CABIN1: variants seen among roughly 807,000 people sequenced by gnomAD.
CABIN1 encodes the protein calcineurin binding protein 1.
CABIN1 carries 133 observed loss-of-function variants against 227.7 expected under a neutral mutation model. The ratio of observed to expected loss-of-function variants is 0.58; its 90% CI spans 0.51 to 0.67. The LOEUF is 0.67. Among genes scored for constraint, CABIN1 ranks in the 30% least tolerant of loss-of-function variants. The probability of loss-of-function intolerance (pLI) is 0.00; values close to 1 mark genes in which losing one functional copy is unlikely to be tolerated. For missense variants in CABIN1, 2,408 were observed against 2,852.5 expected (o/e 0.84, Z 3.55); for synonymous variants, 1,086 against 1,155.1 (o/e 0.94, Z 1.21).
intron 25 of CABIN1, 94 bp downstream of exon 25, chr22:24,096,176 C>CACAGTAA (rs1395912786): frequency 2.1e-6 from 3 of 1,412,338 alleles, no homozygotes; most frequent in Non-Finnish European, 2.0e-6. Flanking sequence ...AGGGTTGCTA[C>CACAGTAA]ACAGTAAACA....
chr22:24,015,445 C>T (rs1383205760), intron 1 of CABIN1, among the ~76,000 whole-genome samples: 12 of 150,960 alleles, frequency 7.9e-5, no homozygotes, highest in Non-Finnish European at 1.3e-4. Context: ...CCCGGGTTCA[C>T]GCCGTTCTGC....
At chr22:24,105,013 A>G (rs1569222637) in intron 26 of CABIN1, among the ~76,000 whole-genome samples, 1 of 152,182 alleles carries the variant, frequency 6.6e-6, no homozygotes, top group Non-Finnish European at 1.5e-5. Context: ...ACTTAAAGAG[A>G]CACTGGAAAG....
At chr22:24,049,895 C>A (rs192487154) in intron 7 of CABIN1, among the ~76,000 whole-genome samples, 1 of 152,278 alleles carries the variant, frequency 6.6e-6, no homozygotes, top group Non-Finnish European at 1.5e-5. Context: ...CACAGACACA[C>A]TTCTGAGGTG....
intron 33 of CABIN1, 101 bp downstream of exon 33, chr22:24,168,622 T>A: frequency 1.0e-6 from 1 of 1,003,682 alleles, no homozygotes; most frequent in Non-Finnish European, 1.5e-6. Flanking sequence ...TTGGGACTGT[T>A]CTTGTGGTCA....
intron 32 of CABIN1, among the ~76,000 whole-genome samples, chr22:24,167,625 C>T: frequency 6.6e-6 from 1 of 152,246 alleles, no homozygotes; most frequent in East Asian, 1.9e-4. Flanking sequence ...TGGCTGTCAT[C>T]TAAAGATGGC....
chr22:24,168,739 C>A (rs561673891), intron 33 of CABIN1, among the ~76,000 whole-genome samples: 2 of 152,316 alleles, frequency 1.3e-5, no homozygotes, highest in East Asian at 3.9e-4. Flanking sequence ...GCTGAGGGGT[C>A]CCCTCACCTC....
intron 29 of CABIN1, among the ~76,000 whole-genome samples, chr22:24,139,693 C>T (rs1019808390): frequency 6.6e-6 from 1 of 152,140 alleles, no homozygotes; most frequent in African/African-American, 2.4e-5. Flanking sequence ...TGCCCAGTCT[C>T]CTTGGGTGGA....
In CABIN1 at chr22:24,066,595, G is replaced by A. The variant is rs141082712; in HGVS notation, c.2038-392G>A. Among the ~76,000 whole-genome samples the A allele has an allele frequency of 4.7e-4, 71 of 152,288 alleles. No individual in the cohort carries two copies. In the East Asian group the frequency reaches 0.013, roughly 29 times the overall value. On this transcript the variant is annotated intron_variant, in intron 15 of 36. Transcript: ENST00000263119. ...GGCTTCGTCAGGTCCTGCATGTAGC[G>A]TATGACAACCTCTGGTCCAGGCTTG...
chr22:24,095,899 G>A (rs1265411028), intron 24 of CABIN1, 32 bp from the exon 25 acceptor site: 2 of 1,613,290 alleles, frequency 1.2e-6, no homozygotes, highest in Non-Finnish European at 1.7e-6. Flanking sequence ...CAACTGGGAA[G>A]GCTGCTCACA....
chr22:24,083,931 G>A (rs895555033), intron 20 of CABIN1, among the ~76,000 whole-genome samples: 2 of 152,176 alleles, frequency 1.3e-5, no homozygotes, highest in Middle Eastern at 3.2e-3. Flanking sequence ...TGGCTCCTCA[G>A]TACTGTCAGT....
chr22:24,022,138 TTTAA>T, intron 1 of CABIN1, among the ~76,000 whole-genome samples: 1 of 152,344 alleles, frequency 6.6e-6, no homozygotes, highest in South Asian at 2.1e-4. Flanking sequence ...ACTTATTATG[TTTAA>T]TTAAATTATT....
intron 26 of CABIN1, among the ~76,000 whole-genome samples, chr22:24,107,170 G>T (rs1212732783): frequency 6.6e-6 from 1 of 152,092 alleles, no homozygotes; most frequent in African/African-American, 2.4e-5. Flanking sequence ...CATAGCCCCT[G>T]CCTCTCCAGC....
intron 26 of CABIN1, among the ~76,000 whole-genome samples, chr22:24,099,398 G>A (rs1212627790): frequency 1.3e-5 from 2 of 152,184 alleles, no homozygotes; most frequent in South Asian, 2.1e-4. Context: ...CAGCATGCGT[G>A]TTGAGAGAGG....
rs760781644 is a variant in CABIN1, at chr22:24,054,905, T to C, written c.839T>C (p.Met280Thr). 58 of 1,614,174 alleles carry C rather than the reference T, an allele frequency of 3.6e-5. No individual in the cohort carries two copies. The East Asian group carries it at 1.2e-3, about 35-fold the overall frequency. ...TGCCTCGGAGAGAGCTTGCTGGCCA[T>C]GTACAATCATCTCACCACCTGTGAG... ...WKCLGESLLAMYNHLTTCEPP... is the reference protein window; with the variant it reads ...WKCLGESLLATYNHLTTCEPP... The change falls in exon 9 of 37, where the codon ATG (methionine) becomes ACG (threonine). Residue 280 changes from methionine (M) to threonine (T), a missense_variant. By Grantham distance (81) the Met-to-Thr change is moderately conservative. Around this residue, in one of 3 missense-constraint regions of CABIN1, gnomAD observed 1,045 missense variants for 1,168.4 expected, o/e 0.89. Transcript: ENST00000263119.
chr22:24,138,591 ACAGAACT>A (rs2044558130), intron 29 of CABIN1, among the ~76,000 whole-genome samples: 1 of 152,188 alleles, frequency 6.6e-6, no homozygotes, highest in Non-Finnish European at 1.5e-5. Context: ...GAAGTGGCTC[ACAGAACT>A]CAGAGAAACA....
In CABIN1 at chr22:24,098,243, G is replaced by T. The variant is rs748685216; in HGVS notation, c.4117+51G>T. ...CAGCCCAGGGCGGCACATCAATCAC[G>T]GGGGGGTGCTCGGACGACTCATTTT... On this transcript the variant is annotated intron_variant, in intron 26 of 36. Transcript: ENST00000263119. 1.9e-6 allele frequency: 3 copies of T among 1,608,178 alleles called. No individual in the cohort carries two copies. In the African/African-American group the frequency reaches 4.0e-5, roughly 22 times the overall value.
intron 30 of CABIN1, among the ~76,000 whole-genome samples, chr22:24,165,174 C>T (rs760597799): frequency 6.6e-6 from 1 of 152,256 alleles, no homozygotes; most frequent in Non-Finnish European, 1.5e-5. Context: ...GTCTCACTCA[C>T]CTACCACTTG....
intron 29 of CABIN1, among the ~76,000 whole-genome samples, chr22:24,159,530 G>C (rs1264528253): frequency 6.6e-6 from 1 of 152,186 alleles, no homozygotes; most frequent in Non-Finnish European, 1.5e-5. Flanking sequence ...CTCATGGCCT[G>C]TTCCTTCCTC....
In CABIN1 at chr22:24,012,010, ATTCT is replaced by A. The variant is rs562658768; in HGVS notation, c.-75+648_-75+651del. Among the ~76,000 whole-genome samples the A allele has an allele frequency of 6.9e-4, 105 of 152,324 alleles. 1 individual carries two copies. The highest frequency in any genetic ancestry group is 8.5e-4 in the Non-Finnish European group (58 of 68,030). ...GACCGTCGGATTCCATGTGGCTAAG[ATTCT>A]TTCTATGTGATTATTGTGGTTAGAA... On this transcript the variant is annotated intron_variant, in intron 1 of 36. Transcript: ENST00000263119.
Sources: allele counts gnomAD v4.1 joint callset (sites outside exome capture counted in the v4.1 genomes callset), GRCh38; gene constraint gnomAD v4.1.1; regional missense constraint gnomAD v4.1.1; transcripts MANE v1.5; gene names NCBI Gene and HGNC (gene_info 2026-07-23, HGNC 2026-07-21).